Variants in LRP1B observed in about 807,000 individuals in gnomAD.
LRP1B encodes the protein low-density lipoprotein receptor-related protein 1B.
LRP1B carries 217 observed loss-of-function variants against 556.6 expected under a neutral mutation model. That is an observed-to-expected ratio of 0.39 (90% CI 0.35 to 0.44). The LOEUF (loss-of-function observed/expected upper bound fraction) is 0.44. LRP1B is among the 20% of genes least tolerant of loss of function. LRP1B has a pLI of 1.00. For synonymous variants in LRP1B, 2,047 were observed against 1,865.8 expected, an observed-to-expected ratio of 1.10 and a Z score of -2.50; for missense variants, 5,053 against 5,620.8, an observed-to-expected ratio of 0.90 and a Z score of 3.23.
intron 66 of LRP1B, among the ~76,000 whole-genome samples, chr2:140,415,938 G>A (rs955960053): frequency 3.9e-5 from 6 of 152,176 alleles, no homozygotes; most frequent in East Asian, 1.9e-4. Flanking sequence ...GATTTTCCTC[G>A]AGAGGCCATG....
intron 11 of LRP1B, among the ~76,000 whole-genome samples, chr2:141,044,023 T>C (rs949017363): frequency 6.6e-6 from 1 of 151,852 alleles, no homozygotes; most frequent in African/African-American, 2.4e-5. Flanking sequence ...CAAACTATAC[T>C]ACAAGGCTAC....
chr2:140,356,566 T>C, intron 74 of LRP1B, 90 bp from the exon 75 acceptor site: 1 of 848,986 alleles, frequency 1.2e-6, no homozygotes, highest in South Asian at 1.7e-5. Context: ...ATGGTATTTA[T>C]TATTCCACAG....
At chr2:140,288,957 A>AC (rs1683268770) in intron 84 of LRP1B, among the ~76,000 whole-genome samples, 1 of 151,862 alleles carries the variant, frequency 6.6e-6, no homozygotes, top group African/African-American at 2.4e-5. Context: ...AGATTAAACC[A>AC]CCTTGGCCTG....
chr2:140,596,367 G>A (rs1405035075), intron 43 of LRP1B, among the ~76,000 whole-genome samples: 1 of 152,148 alleles, frequency 6.6e-6, no homozygotes, highest in Non-Finnish European at 1.5e-5. Flanking sequence ...GGGATAATGT[G>A]TCACTTAGAG....
intron 5 of LRP1B, among the ~76,000 whole-genome samples, chr2:141,243,988 C>A (rs1683978701): frequency 6.6e-6 from 1 of 152,164 alleles, no homozygotes; most frequent in Non-Finnish European, 1.5e-5. Context: ...GAGGAATAAT[C>A]AATTAACTTA....
chr2:140,975,275 T>C (rs1338194442), intron 18 of LRP1B, among the ~76,000 whole-genome samples: 2 of 151,548 alleles, frequency 1.3e-5, no homozygotes, highest in Non-Finnish European at 2.9e-5. Flanking sequence ...AGAGAAGAAA[T>C]GAAAAGGAGG....
At chr2:141,196,901 A>T (rs1207736464) in intron 6 of LRP1B, among the ~76,000 whole-genome samples, 1 of 152,066 alleles carries the variant, frequency 6.6e-6, no homozygotes, top group Non-Finnish European at 1.5e-5. Context: ...CCTTGGCTGT[A>T]TCCCCACCCC....
At chr2:140,390,480 T>C (rs1369246860) in intron 66 of LRP1B, among the ~76,000 whole-genome samples, 1 of 151,962 alleles carries the variant, frequency 6.6e-6, no homozygotes, top group East Asian at 1.9e-4. Context: ...AATGTAAAAT[T>C]TCTAGAATAT....
intron 3 of LRP1B, among the ~76,000 whole-genome samples, chr2:141,400,779 A>C (rs911398183): frequency 6.6e-6 from 1 of 152,198 alleles, no homozygotes; most frequent in African/African-American, 2.4e-5. Flanking sequence ...TCAAATATTT[A>C]ATTTCACCTT....
chr2:141,839,269 C>T (rs1697386151), intron 1 of LRP1B, among the ~76,000 whole-genome samples: 1 of 152,100 alleles, frequency 6.6e-6, no homozygotes, highest in Non-Finnish European at 1.5e-5. Context: ...ATGTACCTTA[C>T]ATAGTGGAAA....
chr2:140,648,569 A>C (rs1684566521), intron 41 of LRP1B, among the ~76,000 whole-genome samples: 1 of 152,084 alleles, frequency 6.6e-6, no homozygotes, highest in African/African-American at 2.4e-5. Flanking sequence ...TTACACTGAG[A>C]TATAAAGGAT....
rs1574020563 is a variant in LRP1B, at chr2:141,049,230, G to C, written c.1553-8C>G. 1.3e-6 allele frequency: 2 copies of C among 1,568,166 alleles called. No homozygotes were observed. Among genetic ancestry groups the C allele is most frequent in the Non-Finnish European group, 1.8e-6 (2 of 1,138,624 alleles). ...ACAACTCATTCTTTGGTCCTGCAGA[G>C]GAAAGATTACAAACACAAACAACTG... On this transcript the variant is annotated splice_polypyrimidine_tract_variant and splice_region_variant and intron_variant, in intron 10 of 90. Transcript: ENST00000389484.
chr2:141,782,055 T>C lies in LRP1B; in HGVS notation c.205+28224A>G, dbSNP rs570621389. Among the ~76,000 whole-genome samples, 6 of 152,284 alleles carry C rather than the reference T, an allele frequency of 3.9e-5. No individual in the cohort carries two copies. In the East Asian group the frequency reaches 1.2e-3, roughly 29 times the overall value. ...AAAAACACCTCAAGACTGAGGAATA[T>C]TGCCTAATTGTAGTTTTTGGCTTGT... On this transcript the variant is annotated intron_variant, in intron 2 of 90. Transcript: ENST00000389484.
intron 41 of LRP1B, among the ~76,000 whole-genome samples, chr2:140,666,321 CACACA>C (rs1202018350): frequency 1.4e-5 from 2 of 142,002 alleles, no homozygotes; most frequent in East Asian, 2.3e-4. Flanking sequence ...CACACACACA[CACACA>C]CACACCACAC....
intron 7 of LRP1B, among the ~76,000 whole-genome samples, chr2:141,117,686 G>A (rs548376170): frequency 8.5e-5 from 13 of 152,070 alleles, no homozygotes; most frequent in African/African-American, 3.1e-4. Flanking sequence ...ATAATTTCAA[G>A]AGGTAAAATT....
intron 47 of LRP1B, among the ~76,000 whole-genome samples, chr2:140,529,688 G>A (rs932717364): frequency 1.3e-5 from 2 of 151,972 alleles, no homozygotes; most frequent in Non-Finnish European, 2.9e-5. Flanking sequence ...AGAACTGCTA[G>A]TTCCCAGTCT....
chr2:141,806,076 A>G (rs543714496), intron 2 of LRP1B, among the ~76,000 whole-genome samples: 69 of 152,214 alleles, frequency 4.5e-4, no homozygotes, highest in African/African-American at 1.6e-3. Context: ...AGTTTTAAGT[A>G]TAATGATGTC....
chr2:141,037,027 C>CTT (rs553072838), intron 11 of LRP1B, among the ~76,000 whole-genome samples: 4 of 151,876 alleles, frequency 2.6e-5, no homozygotes, highest in African/African-American at 9.7e-5. Flanking sequence ...AAAAGAGAAC[C>CTT]TTTTTTTGCA....
intron 7 of LRP1B, among the ~76,000 whole-genome samples, chr2:141,124,463 C>T (rs73962439): frequency 0.068 from 10,357 of 152,032 alleles, 395 homozygotes; most frequent in South Asian, 0.12. Context: ...AATTCCATGA[C>T]ATTCTACTTC....
Sources: allele counts gnomAD v4.1 joint callset (sites outside exome capture counted in the v4.1 genomes callset), GRCh38; gene constraint gnomAD v4.1.1; transcripts MANE v1.5; gene names NCBI Gene and HGNC (gene_info 2026-07-23, HGNC 2026-07-21).